The following CHD7 variants were observed in gnomAD, a reference collection of about 807,000 sequenced individuals.
The protein encoded by CHD7 is ATP-dependent chromatin remodeler CHD7.
Under a neutral mutation model 307.3 loss-of-function variants are expected in CHD7, and 24 were observed. The ratio of observed to expected loss-of-function variants is 0.08; its 90% confidence interval spans 0.06 to 0.11. The LOEUF (loss-of-function observed/expected upper bound fraction) is 0.11. CHD7 is among the 10% of genes least tolerant of loss of function. The probability of loss-of-function intolerance (pLI) is 1.00; values close to 1 mark genes in which losing one functional copy is unlikely to be tolerated. For synonymous variants in CHD7, 1,363 were observed against 1,349.9 expected, an observed-to-expected ratio of 1.01 and a Z score of -0.21; for missense variants, 3,106 against 3,727.1, an observed-to-expected ratio of 0.83 and a Z score of 4.34.
At position 60,853,417 on chromosome 8, in the gene CHD7, C is replaced by T. The variant is rs554415600; in HGVS notation, c.6692C>T (p.Ser2231Phe). 5.9e-6 allele frequency: 9 copies of T among 1,524,516 alleles called. No individual in the cohort carries two copies. In the South Asian group the frequency reaches 1.2e-4, roughly 20 times the overall value. The allele number at this position is 1,524,516 out of a possible 1,614,324, so 94.4% of individuals were successfully genotyped here. Residue 2231 changes from serine (S) to phenylalanine (F), a missense_variant, in exon 31 of 38, where the codon TCT (serine) becomes TTT (phenylalanine). Around this residue, in one of 10 missense-constraint regions of CHD7, gnomAD observed 1,030 missense variants for 1,165.4 expected, o/e 0.88. Transcript: ENST00000423902. ...VEVGADTGSKSISEKGSEEDE... is the reference protein window; with the variant it reads ...VEVGADTGSKFISEKGSEEDE... ...GTCGGCGCAGACACTGGGTCCAAATCTATTTCAGAGAAAGGTTCCGAAGAG... is the reference window on the plus strand; with the variant it reads ...GTCGGCGCAGACACTGGGTCCAAATTTATTTCAGAGAAAGGTTCCGAAGAG...
intron 19 of CHD7, among the ~76,000 whole-genome samples, chr8:60,840,783 A>G (rs1804938977): frequency 6.6e-6 from 1 of 150,406 alleles, no homozygotes; most frequent in African/African-American, 2.5e-5. Context: ...ATGCCTGGCT[A>G]ATTTTTGCAT....
chr8:60,708,281 C>T (rs1036877439), intron 1 of CHD7, among the ~76,000 whole-genome samples: 2 of 152,184 alleles, frequency 1.3e-5, no homozygotes, highest in African/African-American at 4.8e-5. Flanking sequence ...CTGCAAGTCA[C>T]CCAGGAATAC....
intron 1 of CHD7, among the ~76,000 whole-genome samples, chr8:60,692,273 G>T (rs1806236258): frequency 6.6e-6 from 1 of 152,220 alleles, no homozygotes; most frequent in African/African-American, 2.4e-5. Flanking sequence ...ATGGATGACT[G>T]ATTAAGCGTT....
chr8:60,808,414 A>G (rs1812638089), intron 7 of CHD7, 142 bp downstream of exon 7: 3 of 623,878 alleles, frequency 4.8e-6, no homozygotes, highest in Non-Finnish European at 5.6e-6. Context: ...TTTTTTAACC[A>G]ACTTTTGTAT....
intron 2 of CHD7, among the ~76,000 whole-genome samples, chr8:60,760,597 G>C (rs1233695196): frequency 4.1e-5 from 6 of 147,744 alleles, no homozygotes; most frequent in Non-Finnish European, 7.5e-5. Flanking sequence ...CTACTCATCT[G>C]ACAAAGGGCT....
At chr8:60,767,794 T>G (rs1363964943) in intron 2 of CHD7, among the ~76,000 whole-genome samples, 2 of 152,182 alleles carry the variant, frequency 1.3e-5, no homozygotes, top group Non-Finnish European at 2.9e-5. Flanking sequence ...TTGCTGTGGA[T>G]CTAGGACTTC....
chr8:60,726,120 G>A (rs984836645), intron 1 of CHD7, among the ~76,000 whole-genome samples: 1 of 152,172 alleles, frequency 6.6e-6, no homozygotes, highest in Non-Finnish European at 1.5e-5. Flanking sequence ...AAACTTCACT[G>A]AATCATTTAC....
intron 2 of CHD7, among the ~76,000 whole-genome samples, chr8:60,772,520 T>C (rs1312884177): frequency 6.6e-6 from 1 of 152,236 alleles, no homozygotes; most frequent in African/African-American, 2.4e-5. Context: ...GTCTTTTGTT[T>C]TGCCAAGTTT....
At position 60,823,728 on chromosome 8, in the gene CHD7, A is replaced by C. The variant is rs901739818; in HGVS notation, c.3202-112A>C. On this transcript the variant is annotated intron_variant, in intron 12 of 37. Transcript: ENST00000423902. ...TGAAAACAGAATGTATGTCACCTAA[A>C]ATAAAGAGATCTCCAAAGGGATAAA... 2.1e-5 allele frequency: 19 copies of C among 911,766 alleles called. No individual in the cohort carries two copies. The African/African-American group carries it at 2.5e-4, about 12-fold the overall frequency. The allele number at this position is 911,766 out of a possible 1,614,324, so 56.5% of individuals were successfully genotyped here.
chr8:60,789,962 G>A (rs1811691354), intron 3 of CHD7, among the ~76,000 whole-genome samples: 1 of 152,166 alleles, frequency 6.6e-6, no homozygotes, highest in Admixed American at 6.5e-5. Flanking sequence ...TGCCATTGGG[G>A]GTGATTGCAG....
chr8:60,807,969 A>G (rs1367622067), intron 6 of CHD7, among the ~76,000 whole-genome samples: 3 of 152,244 alleles, frequency 2.0e-5, no homozygotes, highest in Non-Finnish European at 4.4e-5. Flanking sequence ...GCATGTGGTT[A>G]GGGAGGAGTT....
chr8:60,828,478 G>A (rs1248580878), intron 13 of CHD7, among the ~76,000 whole-genome samples, 185 bp from the exon 14 acceptor site: 2 of 152,234 alleles, frequency 1.3e-5, no homozygotes, highest in African/African-American at 2.4e-5. Context: ...GGAGAGGACT[G>A]TCCATGGATC....
At chr8:60,708,556 C>T (rs1807124071) in intron 1 of CHD7, among the ~76,000 whole-genome samples, 2 of 152,176 alleles carry the variant, frequency 1.3e-5, no homozygotes, top group Non-Finnish European at 2.9e-5. Context: ...GCAGGCCTCC[C>T]CTACTGCCTG....
chr8:60,706,289 G>A (rs919601269), intron 1 of CHD7, among the ~76,000 whole-genome samples: 7 of 152,122 alleles, frequency 4.6e-5, no homozygotes, highest in African/African-American at 1.7e-4. Context: ...TGCTTAAGTT[G>A]ATAATGTTCA....
intron 3 of CHD7, among the ~76,000 whole-genome samples, chr8:60,790,769 A>AT (rs1277390936): frequency 6.6e-6 from 1 of 152,180 alleles, no homozygotes; most frequent in African/African-American, 2.4e-5. Flanking sequence ...AGACACACAT[A>AT]TAGTGCTTTG....
chr8:60,757,438 A>G (rs958675905), intron 2 of CHD7, among the ~76,000 whole-genome samples: 1 of 152,210 alleles, frequency 6.6e-6, no homozygotes, highest in Non-Finnish European at 1.5e-5. Flanking sequence ...GTTTGAATAC[A>G]TGCATTAAAA....
chr8:60,820,118 G>C, intron 9 of CHD7, 28 bp downstream of exon 9: 1 of 1,507,654 alleles, frequency 6.6e-7, no homozygotes, highest in Non-Finnish European at 9.2e-7. Flanking sequence ...GTATTACAAA[G>C]TGGTGATTCA....
At chr8:60,775,899 A>G (rs1270873015) in intron 2 of CHD7, among the ~76,000 whole-genome samples, 2 of 152,006 alleles carry the variant, frequency 1.3e-5, no homozygotes, top group Admixed American at 1.3e-4. Context: ...CTGGGATTAC[A>G]GGTGCATACC....
intron 6 of CHD7, among the ~76,000 whole-genome samples, chr8:60,805,692 G>GGGAT (rs1812504519): frequency 3.9e-5 from 6 of 152,124 alleles, no homozygotes; most frequent in Admixed American, 3.9e-4. Context: ...TTAGAATTAT[G>GGGAT]GGATGATGAG....
Sources: allele counts gnomAD v4.1 joint callset (sites outside exome capture counted in the v4.1 genomes callset), GRCh38; gene constraint gnomAD v4.1.1; regional missense constraint gnomAD v4.1.1; transcripts MANE v1.5; gene names NCBI Gene and HGNC (gene_info 2026-07-23, HGNC 2026-07-21).